Variants in CYP19A1 observed in about 807,000 individuals in gnomAD.
CYP19A1 encodes the protein cytochrome P450 family 19 subfamily A member 1.
In CYP19A1, 32 loss-of-function variants were observed where a neutral mutation model predicts 44.4. The ratio of observed to expected loss-of-function variants is 0.72; its 90% CI spans 0.54 to 0.97. The LOEUF is 0.97. Ranked by LOEUF, CYP19A1 falls within the 50% of genes least tolerant of loss-of-function variation. The pLI is 0.00. For missense variants in CYP19A1, 598 were observed against 637.8 expected, an observed-to-expected ratio of 0.94 and a Z score of 0.67; for synonymous variants, 212 against 215.6, an observed-to-expected ratio of 0.98 and a Z score of 0.14.
chr15:51,267,393 T>C (rs2034960801), intron 1 of CYP19A1, among the ~76,000 whole-genome samples: 1 of 152,176 alleles, frequency 6.6e-6, no homozygotes, highest in Non-Finnish European at 1.5e-5. Flanking sequence ...GGTCTTTCTG[T>C]CCACCTGTCT....
intron 1 of CYP19A1, among the ~76,000 whole-genome samples, chr15:51,295,170 A>G (rs1014852138): frequency 6.8e-6 from 1 of 148,020 alleles, no homozygotes; most frequent in Admixed American, 6.7e-5. Context: ...AATTTGAGGT[A>G]GGACACAAAA....
At chr15:51,290,022 G>A (rs976008100) in intron 1 of CYP19A1, among the ~76,000 whole-genome samples, 1 of 152,206 alleles carries the variant, frequency 6.6e-6, no homozygotes, top group Non-Finnish European at 1.5e-5. Flanking sequence ...AACTGAGGTT[G>A]AGTTGCAAAA....
chr15:51,330,360 G>A (rs180791319), intron 1 of CYP19A1, among the ~76,000 whole-genome samples: 62 of 152,090 alleles, frequency 4.1e-4, no homozygotes, highest in African/African-American at 1.4e-3. Flanking sequence ...GAGGAGGAGA[G>A]AAGGGGCATA....
intron 1 of CYP19A1, among the ~76,000 whole-genome samples, chr15:51,251,497 A>G (rs865792073): frequency 1.3e-5 from 2 of 152,110 alleles, no homozygotes; most frequent in African/African-American, 4.8e-5. Context: ...CAGAGCAAGG[A>G]CTCACACCTC....
intron 1 of CYP19A1, among the ~76,000 whole-genome samples, chr15:51,248,809 C>T (rs1418136864): frequency 2.0e-5 from 3 of 152,206 alleles, no homozygotes; most frequent in Non-Finnish European, 4.4e-5. Flanking sequence ...CTTCTCAGAC[C>T]TTCTCTTTCA....
At position 51,212,488 on chromosome 15, in the gene CYP19A1, C is replaced by T. The variant is rs921413975; in HGVS notation, c.1095G>A (p.Arg365=). 1.3e-6 allele frequency: 2 copies of T among 1,595,218 alleles called. No homozygotes were observed. Among genetic ancestry groups the T allele is most frequent in the Non-Finnish European group, 1.7e-6 (2 of 1,162,760 alleles). The change falls in exon 9 of 10, where the codon CGG becomes CGA. Residue 365 remains arginine, a synonymous_variant. Transcript: ENST00000396402. ...VMENFIYESM[R]YQPVVDLVMR... ...TGACCAAGTCCACGACAGGCTGGTACCGCATGCTCTCATAAATGAAGTTTT... is the reference window on the plus strand; with the variant it reads ...TGACCAAGTCCACGACAGGCTGGTATCGCATGCTCTCATAAATGAAGTTTT...
chr15:51,222,255 A>C, intron 5 of CYP19A1, 94 bp downstream of exon 5: 1 of 1,601,220 alleles, frequency 6.2e-7, no homozygotes, highest in Non-Finnish European at 8.5e-7. Context: ...GCAATGTAGA[A>C]AATGGCATGT....
At chr15:51,333,026 T>G (rs1870049) in intron 1 of CYP19A1, among the ~76,000 whole-genome samples, 5 of 152,028 alleles carry the variant, frequency 3.3e-5, no homozygotes, top group Non-Finnish European at 7.4e-5. Context: ...TAACTACTAC[T>G]TTTCTTTCCT....
At chr15:51,290,856 C>T (rs534434938) in intron 1 of CYP19A1, among the ~76,000 whole-genome samples, 31 of 152,326 alleles carry the variant, frequency 2.0e-4, no homozygotes, top group African/African-American at 7.2e-4. Flanking sequence ...TTTTAAGCAG[C>T]TTGGCTGGGG....
At chr15:51,270,374 C>G (rs1388960807) in intron 1 of CYP19A1, among the ~76,000 whole-genome samples, 1 of 152,164 alleles carries the variant, frequency 6.6e-6, no homozygotes, top group East Asian at 1.9e-4. Context: ...TAAGCAAAAG[C>G]TTTTGGGGGA....
At position 51,209,732 on chromosome 15, in the gene CYP19A1, T is replaced by C. The variant is rs2030745948; in HGVS notation, c.*1076A>G. 1 of 152,844 alleles carries C rather than the reference T, an allele frequency of 6.5e-6. No homozygotes were observed. Among genetic ancestry groups the C allele is most frequent in the South Asian group, 2.1e-4 (1 of 4,840 alleles). The allele number at this position is 152,844 out of a possible 1,614,324, so 9.5% of individuals were successfully genotyped here. A position where few individuals can be genotyped will look rare whatever the true frequency, so the allele number is the denominator to read the frequency against. ...AAAAAATACTTCAGGGGTTCTACTC[T>C]GACCACGTTCTTTACTGATCTGTTG... On this transcript the variant is annotated 3_prime_UTR_variant, in exon 10 of 10. Coordinates refer to ENST00000396402, the MANE Select transcript of CYP19A1 (RefSeq NM_000103.4).
Position 51,215,218 on chromosome 15 carries a change from C to T in CYP19A1, c.873G>A (p.Leu291=). Residue 291 remains leucine, a synonymous_variant, in exon 8 of 10, where the codon CTG becomes CTA. Transcript: ENST00000396402. The part of the protein sequence containing the change: ...ELILAEKRGD[L]TRENVNQCIL... ...TGCACTGGTTCACATTCTCTCTTGTCAGGTCACCACGTTTCTGAACAATTG... is the reference window on the plus strand; with the variant it reads ...TGCACTGGTTCACATTCTCTCTTGTTAGGTCACCACGTTTCTGAACAATTG... 6.2e-7 allele frequency: 1 copy of T among 1,614,002 alleles called. No individual in the cohort carries two copies. Among genetic ancestry groups the T allele is most frequent in the Non-Finnish European group, 8.5e-7 (1 of 1,179,966 alleles).
chr15:51,307,664 G>C (rs1345827211), intron 1 of CYP19A1, among the ~76,000 whole-genome samples: 4 of 152,058 alleles, frequency 2.6e-5, no homozygotes, highest in Non-Finnish European at 5.9e-5. Flanking sequence ...CATCATCTTT[G>C]GTTCCCAGCT....
At chr15:51,295,770 C>G (rs1033747028) in intron 1 of CYP19A1, among the ~76,000 whole-genome samples, 1 of 152,196 alleles carries the variant, frequency 6.6e-6, no homozygotes, top group African/African-American at 2.4e-5. Flanking sequence ...CTGGGTCCCT[C>G]GGGTCCAGTT....
At chr15:51,313,816 A>G (rs1018340157) in intron 1 of CYP19A1, among the ~76,000 whole-genome samples, 2 of 152,030 alleles carry the variant, frequency 1.3e-5, no homozygotes, top group Non-Finnish European at 2.9e-5. Context: ...AAAAAACCTC[A>G]AAAGGATCAC....
At position 51,251,536 on chromosome 15, in the gene CYP19A1, C is replaced by G. The variant is rs138595355; in HGVS notation, c.-38-8586G>C. 7.5e-3 allele frequency among the ~76,000 whole-genome samples: 1,146 copies of G among 152,306 alleles called. 21 individuals carry two copies. Among genetic ancestry groups the G allele is most frequent in the African/African-American group, 0.026 (1,099 of 41,564 alleles). Reference sequence around the variant, plus strand: ...TTTCTATCTAGCTCCCGGGGGCTACCACAAGTGCTTCACACCCAGTAAGTG... The same window carrying G: ...TTTCTATCTAGCTCCCGGGGGCTACGACAAGTGCTTCACACCCAGTAAGTG... On this transcript the variant is annotated intron_variant, in intron 1 of 9. Transcript: ENST00000396402.
intron 1 of CYP19A1, among the ~76,000 whole-genome samples, chr15:51,283,572 A>G (rs1566911102): frequency 6.6e-6 from 1 of 152,246 alleles, no homozygotes; most frequent in Non-Finnish European, 1.5e-5. Flanking sequence ...GATTAAGAGT[A>G]GGAAAGAATA....
intron 1 of CYP19A1, among the ~76,000 whole-genome samples, chr15:51,290,410 C>T (rs2035815372): frequency 6.6e-6 from 1 of 152,142 alleles, no homozygotes; most frequent in Non-Finnish European, 1.5e-5. Flanking sequence ...CAGTAAGAGC[C>T]CTTTTTTATT....
At chr15:51,315,902 C>T (rs988584590) in intron 1 of CYP19A1, 10 of 152,250 alleles carry the variant, frequency 6.6e-5, no homozygotes, top group African/African-American at 2.4e-4. Context: ...CTGGATCTGC[C>T]TCCAGGGGTG....
Sources: gnomAD v4.1 joint callset for allele counts (sites outside exome capture counted in the v4.1 genomes callset) on GRCh38, gnomAD v4.1.1 for gene constraint, MANE v1.5 for transcripts, NCBI Gene and HGNC (gene_info 2026-07-23, HGNC 2026-07-21) for gene names.